Variants in ATOSA observed in about 807,000 individuals in gnomAD.
The protein encoded by ATOSA is atos homolog protein A.
At chr15:52,597,319 C>T in the ATOSA span, among the ~76,000 whole-genome samples, 2 of 152,094 alleles carry the variant, frequency 1.3e-5, no homozygotes, top group African/African-American at 4.8e-5. Context: ...CATAAAAATT[C>T]ATACACAAAT....
chr15:52,689,399 ATGTCT>A, the ATOSA span, among the ~76,000 whole-genome samples: 4 of 152,178 alleles, frequency 2.6e-5, no homozygotes, highest in South Asian at 2.1e-4. Context: ...CTGGGTATTG[ATGTCT>A]TGTCTAGCCA....
chr15:52,706,437 A>G, the ATOSA span, among the ~76,000 whole-genome samples: 1 of 152,226 alleles, frequency 6.6e-6, no homozygotes, highest in Non-Finnish European at 1.5e-5. Context: ...ATTATTTAAT[A>G]TGTATTGCAG....
At chr15:52,664,292 T>G in the ATOSA span, among the ~76,000 whole-genome samples, 6 of 152,222 alleles carry the variant, frequency 3.9e-5, no homozygotes, top group Admixed American at 3.9e-4. Flanking sequence ...GTAAACTTTA[T>G]TATAGTTACA....
chr15:52,696,201 T>G, the ATOSA span, among the ~76,000 whole-genome samples: 7 of 152,178 alleles, frequency 4.6e-5, no homozygotes, highest in African/African-American at 1.7e-4. Flanking sequence ...TAGTGTGGCT[T>G]GGTCTGCCAT....
the ATOSA span, among the ~76,000 whole-genome samples, chr15:52,661,954 AG>A: frequency 2.8e-5 from 4 of 141,316 alleles, no homozygotes; most frequent in Non-Finnish European, 6.2e-5. Context: ...AAAAAAAAAC[AG>A]CAAAAAAAAG....
At chr15:52,600,577 T>C in the ATOSA span, among the ~76,000 whole-genome samples, 1 of 152,180 alleles carries the variant, frequency 6.6e-6, no homozygotes, top group Non-Finnish European at 1.5e-5. Flanking sequence ...TTCTTTATAT[T>C]TTATATTTTA....
chr15:52,671,542 T>A, the ATOSA span, among the ~76,000 whole-genome samples: 1 of 152,024 alleles, frequency 6.6e-6, no homozygotes, highest in Non-Finnish European at 1.5e-5. Flanking sequence ...GTTTCCGGAC[T>A]CACAAAACTT....
At chr15:52,609,401 G>C in the ATOSA span, 4 of 1,613,676 alleles carry the variant, frequency 2.5e-6, no homozygotes, top group African/African-American at 5.3e-5. Context: ...AATGACTGCC[G>C]GGGGATATGT....
the ATOSA span, among the ~76,000 whole-genome samples, chr15:52,705,478 C>T: frequency 6.6e-6 from 1 of 151,882 alleles, no homozygotes; most frequent in Non-Finnish European, 1.5e-5. Flanking sequence ...ACGTTGTGCA[C>T]ATGTACCCTA....
the ATOSA span, chr15:52,611,067 C>A: frequency 6.7e-7 from 1 of 1,502,470 alleles, no homozygotes; most frequent in Non-Finnish European, 8.9e-7. Flanking sequence ...GGTAAAATGC[C>A]ATTCGGTTGC....
the ATOSA span, among the ~76,000 whole-genome samples, chr15:52,640,225 T>C: frequency 6.6e-6 from 1 of 152,022 alleles, no homozygotes; most frequent in African/African-American, 2.4e-5. Context: ...ACTAATCAAA[T>C]CTAAAGTGTC....
At chr15:52,680,873 G>T in the ATOSA span, among the ~76,000 whole-genome samples, 1 of 56,864 alleles carries the variant, frequency 1.8e-5, no homozygotes, top group Non-Finnish European at 4.1e-5. Flanking sequence ...AGTTTTACTT[G>T]TTCTACAAGC....
the ATOSA span, among the ~76,000 whole-genome samples, chr15:52,630,019 G>A: frequency 0.55 from 84,133 of 151,890 alleles, 27,339 homozygotes; most frequent in Non-Finnish European, 0.73. Flanking sequence ...AGGGCAGGAC[G>A]TTGGTGGTGG....
At chr15:52,637,298 A>G in the ATOSA span, among the ~76,000 whole-genome samples, 6 of 152,166 alleles carry the variant, frequency 3.9e-5, no homozygotes, top group Admixed American at 2.6e-4. Context: ...GTTGGGGGGC[A>G]GGAGAAAAAG....
the ATOSA span, among the ~76,000 whole-genome samples, chr15:52,590,214 A>G: frequency 1.1e-4 from 17 of 152,338 alleles, no homozygotes; most frequent in South Asian, 3.1e-3. Context: ...TGAAAGAACT[A>G]TATCTTGATC....
At chr15:52,643,478 A>C in the ATOSA span, among the ~76,000 whole-genome samples, 1 of 91,552 alleles carries the variant, frequency 1.1e-5, no homozygotes, top group Non-Finnish European at 3.2e-5. Context: ...TTGTAGCGAC[A>C]GCATCTCACT....
chr15:52,698,309 G>A, the ATOSA span, among the ~76,000 whole-genome samples: 1 of 151,886 alleles, frequency 6.6e-6, no homozygotes, highest in Non-Finnish European at 1.5e-5. Context: ...TTGTGGCTGG[G>A]GGAACATGCA....
the ATOSA span, chr15:52,677,933 G>A: frequency 4.4e-6 from 7 of 1,574,688 alleles, no homozygotes; most frequent in Admixed American, 1.7e-5. Context: ...GCAGAATTAG[G>A]TTAACACTTC....
At chr15:52,694,168 ATTT>A in the ATOSA span, among the ~76,000 whole-genome samples, 227 of 144,292 alleles carry the variant, frequency 1.6e-3, no homozygotes, top group Middle Eastern at 3.6e-3. Context: ...ATATATATAT[ATTT>A]TTTTTTTTTT....
Sources: allele counts gnomAD v4.1 joint callset (sites outside exome capture counted in the v4.1 genomes callset), GRCh38; gene constraint gnomAD v4.1.1; transcripts MANE v1.5; gene names NCBI Gene and HGNC (gene_info 2026-07-23, HGNC 2026-07-21).